The following CAMK1D variants were observed in gnomAD, a reference collection of about 807,000 sequenced individuals.
CAMK1D encodes the protein calcium/calmodulin dependent protein kinase ID, also known as calcium/calmodulin-dependent protein kinase type 1D.
A neutral mutation model predicts 47.7 loss-of-function variants in CAMK1D; 9 were observed. The observed-to-expected ratio is 0.19, with a 90% confidence interval of 0.11 to 0.33. The LOEUF (loss-of-function observed/expected upper bound fraction) is 0.33. Ranked by LOEUF, CAMK1D falls within the 10% of genes least tolerant of loss-of-function variation. CAMK1D has a pLI of 1.00. For missense variants in CAMK1D, 291 were observed against 488.7 expected, an observed-to-expected ratio of 0.60 and a Z score of 3.81; for synonymous variants, 184 against 184.9, an observed-to-expected ratio of 0.99 and a Z score of 0.04.
intron 1 of CAMK1D, among the ~76,000 whole-genome samples, chr10:12,439,290 T>C (rs1171675726): frequency 1.3e-5 from 2 of 152,254 alleles, no homozygotes; most frequent in African/African-American, 2.4e-5. Context: ...TTGTTTGTTA[T>C]GGTTTAATAT....
At chr10:12,573,303 G>A (rs1837383711) in intron 2 of CAMK1D, among the ~76,000 whole-genome samples, 1 of 152,220 alleles carries the variant, frequency 6.6e-6, no homozygotes, top group South Asian at 2.1e-4. Flanking sequence ...CAGATGTGGA[G>A]CGGGAAGGAG....
intron 1 of CAMK1D, among the ~76,000 whole-genome samples, chr10:12,476,841 C>T (rs1241275263): frequency 1.3e-5 from 2 of 152,176 alleles, no homozygotes; most frequent in African/African-American, 4.8e-5. Flanking sequence ...CCCATCTGTA[C>T]ACTGGAGGAA....
At chr10:12,611,609 T>TTTTTTG (rs1554796845) in intron 2 of CAMK1D, among the ~76,000 whole-genome samples, 24 of 124,764 alleles carry the variant, frequency 1.9e-4, no homozygotes, top group East Asian at 2.4e-4. Flanking sequence ...TTTTTTTTTT[T>TTTTTTG]GAGACAGAGT....
intron 4 of CAMK1D, among the ~76,000 whole-genome samples, chr10:12,764,507 C>CA (rs1554822813): frequency 1.4e-3 from 220 of 152,248 alleles, no homozygotes; most frequent in Admixed American, 2.5e-3. Context: ...GAGGGATGTG[C>CA]GATGCTCTGA....
chr10:12,810,831 A>G (rs1273145671), intron 6 of CAMK1D, among the ~76,000 whole-genome samples: 1 of 152,238 alleles, frequency 6.6e-6, no homozygotes, highest in Non-Finnish European at 1.5e-5. Context: ...ATTTTTCTGC[A>G]TGTTGGTTTC....
chr10:12,484,578 T>C lies in CAMK1D; in HGVS notation c.93-68647T>C, dbSNP rs139692918. On this transcript the variant is annotated intron_variant, in intron 1 of 10. Transcript: ENST00000619168. ...CACTGGCAGCTGAGCTTACTTGTTC[T>C]TCCAAGATGGTGGAAGCCAGGCAGG... Among the ~76,000 whole-genome samples, 982 of 152,274 alleles carry C rather than the reference T, an allele frequency of 6.4e-3. 5 individuals are homozygous for C. Among genetic ancestry groups the C allele is most frequent in the Non-Finnish European group, 0.011 (781 of 68,022 alleles).
chr10:12,610,411 C>G (rs1838584882), intron 2 of CAMK1D, among the ~76,000 whole-genome samples: 1 of 152,170 alleles, frequency 6.6e-6, no homozygotes, highest in Non-Finnish European at 1.5e-5. Flanking sequence ...CATTCTGATA[C>G]TATGGTGCTG....
intron 2 of CAMK1D, among the ~76,000 whole-genome samples, chr10:12,656,450 C>T (rs1840117170): frequency 6.6e-6 from 1 of 152,098 alleles, no homozygotes; most frequent in African/African-American, 2.4e-5. Context: ...CGAAACCACA[C>T]CACTGCGCTC....
At chr10:12,570,807 C>T (rs1456338701) in intron 2 of CAMK1D, among the ~76,000 whole-genome samples, 1 of 151,700 alleles carries the variant, frequency 6.6e-6, no homozygotes, top group Admixed American at 6.6e-5. Context: ...ATAAATTAGC[C>T]AGGCGTGGTA....
chr10:12,391,505 T>C (rs950730779), intron 1 of CAMK1D, among the ~76,000 whole-genome samples: 3 of 151,390 alleles, frequency 2.0e-5, no homozygotes, highest in African/African-American at 7.3e-5. Flanking sequence ...CTGTGGAAAT[T>C]CATGCTGACC....
intron 1 of CAMK1D, among the ~76,000 whole-genome samples, chr10:12,464,936 A>G (rs1833547936): frequency 6.6e-6 from 1 of 152,208 alleles, no homozygotes; most frequent in Admixed American, 6.5e-5. Context: ...AGAACATCAC[A>G]TTCAACAGCA....
chr10:12,749,658 A>G (rs1481629156), intron 3 of CAMK1D, among the ~76,000 whole-genome samples: 1 of 151,916 alleles, frequency 6.6e-6, no homozygotes, highest in Non-Finnish European at 1.5e-5. Flanking sequence ...TCCTGGGCTC[A>G]AGCAATTCTC....
intron 1 of CAMK1D, among the ~76,000 whole-genome samples, chr10:12,526,552 C>T (rs898673395): frequency 6.4e-4 from 97 of 152,100 alleles, no homozygotes; most frequent in African/African-American, 2.3e-3. Flanking sequence ...ACACCACATA[C>T]GTGATTTTGC....
At chr10:12,595,873 A>G (rs1490078000) in intron 2 of CAMK1D, among the ~76,000 whole-genome samples, 1 of 152,208 alleles carries the variant, frequency 6.6e-6, no homozygotes, top group Non-Finnish European at 1.5e-5. Flanking sequence ...AAAGCTGTGT[A>G]GCCAACTCTG....
intron 5 of CAMK1D, among the ~76,000 whole-genome samples, chr10:12,778,267 G>C (rs1482087675): frequency 6.6e-6 from 1 of 152,214 alleles, no homozygotes; most frequent in Admixed American, 6.5e-5. Flanking sequence ...AACCGAAATT[G>C]GTGCTTTTTC....
intron 1 of CAMK1D, among the ~76,000 whole-genome samples, chr10:12,523,673 G>T (rs560183316): frequency 1.3e-5 from 2 of 152,330 alleles, no homozygotes; most frequent in East Asian, 3.9e-4. Context: ...CAGGGAGGTT[G>T]CAGTGAGCCG....
At chr10:12,643,950 T>G (rs778242729) in intron 2 of CAMK1D, among the ~76,000 whole-genome samples, 3 of 152,090 alleles carry the variant, frequency 2.0e-5, no homozygotes, top group Non-Finnish European at 4.4e-5. Context: ...CAGAGGAGAT[T>G]GTCTAGTTTC....
intron 1 of CAMK1D, among the ~76,000 whole-genome samples, chr10:12,531,541 A>G (rs188152331): frequency 2.0e-5 from 3 of 152,356 alleles, no homozygotes; most frequent in African/African-American, 7.2e-5. Context: ...AGCGTGTACC[A>G]TCATGAACTG....
At chr10:12,664,777 T>A (rs1840377141) in intron 2 of CAMK1D, among the ~76,000 whole-genome samples, 1 of 152,256 alleles carries the variant, frequency 6.6e-6, no homozygotes, top group Non-Finnish European at 1.5e-5. Context: ...TTTGCTACAG[T>A]TCAGATGTAA....
Sources: allele counts gnomAD v4.1 joint callset (sites outside exome capture counted in the v4.1 genomes callset), GRCh38; gene constraint gnomAD v4.1.1; transcripts MANE v1.5; gene names NCBI Gene and HGNC (gene_info 2026-07-23, HGNC 2026-07-21).